Variants in ZMYND11 observed in about 807,000 individuals in gnomAD.
ZMYND11 encodes zinc finger MYND-type containing 11.
Under a neutral mutation model 84.9 loss-of-function variants are expected in ZMYND11, and 9 were observed. The ratio of observed to expected loss-of-function variants is 0.11; its 90% CI spans 0.06 to 0.18. The LOEUF (loss-of-function observed/expected upper bound fraction) is 0.18, where lower values mean the gene tolerates loss of function less well. Ranked by LOEUF, ZMYND11 falls within the 10% of genes least tolerant of loss-of-function variation. The pLI is 1.00. For synonymous variants in ZMYND11, 250 were observed against 244.1 expected (o/e 1.02, Z -0.23); for missense variants, 409 against 761.0 (o/e 0.54, Z 5.44).
At chr10:165,028 G>A (rs1554763309) in intron 1 of ZMYND11, among the ~76,000 whole-genome samples, 2 of 151,994 alleles carry the variant, frequency 1.3e-5, no homozygotes, top group East Asian at 1.9e-4. Flanking sequence ...CCTCTCTTCT[G>A]TCTCTTTCCG....
intron 2 of ZMYND11, among the ~76,000 whole-genome samples, chr10:184,166 G>A (rs1848456735): frequency 6.6e-6 from 1 of 151,876 alleles, no homozygotes; most frequent in Non-Finnish European, 1.5e-5. Context: ...TGGTTCTCAG[G>A]GACATCATCT....
intron 10 of ZMYND11, among the ~76,000 whole-genome samples, chr10:242,729 C>G (rs1389274286): frequency 2.0e-5 from 3 of 152,136 alleles, no homozygotes; most frequent in Non-Finnish European, 4.4e-5. Context: ...TGAGGTGTCT[C>G]CTGTCATGCC....
chr10:187,430 C>T (rs532126995), intron 2 of ZMYND11, among the ~76,000 whole-genome samples: 2 of 151,654 alleles, frequency 1.3e-5, no homozygotes, highest in Admixed American at 6.6e-5. Context: ...GTCAGGAGAT[C>T]GAGACCATCT....
At chr10:222,642 C>T (rs1482711743) in intron 4 of ZMYND11, among the ~76,000 whole-genome samples, 2 of 151,490 alleles carry the variant, frequency 1.3e-5, no homozygotes, top group African/African-American at 2.4e-5. Flanking sequence ...ATTTTAAAAG[C>T]AAATATACAT....
intron 2 of ZMYND11, among the ~76,000 whole-genome samples, chr10:186,408 C>T (rs573143750): frequency 4.0e-5 from 6 of 151,544 alleles, no homozygotes; most frequent in Admixed American, 1.3e-4. Flanking sequence ...TTAGGGAGAC[C>T]GAGGCAGGCA....
chr10:153,273 T>C (rs1588479003), intron 1 of ZMYND11, among the ~76,000 whole-genome samples: 1 of 152,228 alleles, frequency 6.6e-6, no homozygotes, highest in East Asian at 1.9e-4. Flanking sequence ...AAATTTAGCA[T>C]GGACTAGTGT....
At chr10:207,701 C>G (rs547231235) in intron 2 of ZMYND11, among the ~76,000 whole-genome samples, 2 of 152,108 alleles carry the variant, frequency 1.3e-5, no homozygotes, top group African/African-American at 4.8e-5. Context: ...GAATCAATAT[C>G]GTGAAAATGG....
At chr10:157,586 C>G (rs1056468483) in intron 1 of ZMYND11, among the ~76,000 whole-genome samples, 1 of 151,950 alleles carries the variant, frequency 6.6e-6, no homozygotes, top group Non-Finnish European at 1.5e-5. Flanking sequence ...GGGGAGGTCT[C>G]GAGGAAAGGA....
chr10:227,975 A>G (rs11251075), intron 4 of ZMYND11, among the ~76,000 whole-genome samples: 39,574 of 152,110 alleles, frequency 0.26, 6,230 homozygotes, highest in East Asian at 0.48. Context: ...TATTTTTACA[A>G]TTTTTAAGAC....
intron 12 of ZMYND11, among the ~76,000 whole-genome samples, 163 bp downstream of exon 12, chr10:247,629 T>C (rs1389524398): frequency 6.6e-6 from 1 of 152,218 alleles, no homozygotes; most frequent in Non-Finnish European, 1.5e-5. Flanking sequence ...AAACCAGTCT[T>C]CTGACTTCCC....
intron 1 of ZMYND11, among the ~76,000 whole-genome samples, chr10:145,230 A>G (rs1838514981): frequency 6.6e-6 from 1 of 150,802 alleles, no homozygotes; most frequent in Non-Finnish European, 1.5e-5. Context: ...ATGTGTGTAT[A>G]TATATGTGTG....
At chr10:197,370 G>A (rs1942077152) in intron 2 of ZMYND11, among the ~76,000 whole-genome samples, 1 of 152,060 alleles carries the variant, frequency 6.6e-6, no homozygotes, top group African/African-American at 2.4e-5. Context: ...AAATATTTTG[G>A]GGACAATTAG....
At chr10:225,343 G>GT (rs1448106637) in intron 4 of ZMYND11, among the ~76,000 whole-genome samples, 3 of 74,838 alleles carry the variant, frequency 4.0e-5, no homozygotes, top group Middle Eastern at 0.015. Flanking sequence ...TGTTGTCGTT[G>GT]TTTTTTTGTT....
At chr10:151,325 T>C (rs1180999622) in intron 1 of ZMYND11, among the ~76,000 whole-genome samples, 1 of 152,174 alleles carries the variant, frequency 6.6e-6, no homozygotes, top group Non-Finnish European at 1.5e-5. Flanking sequence ...GAAAAAAGAT[T>C]AGACGGATGG....
At chr10:146,442 A>C (rs782368501) in intron 1 of ZMYND11, among the ~76,000 whole-genome samples, 1 of 152,206 alleles carries the variant, frequency 6.6e-6, no homozygotes, top group Admixed American at 6.5e-5. Flanking sequence ...CATTGAATCT[A>C]TAGAGTGTTT....
chr10:130,422 T>C (rs1835289600), upstream of ZMYND11, among the ~76,000 whole-genome samples: 2 of 152,244 alleles, frequency 1.3e-5, no homozygotes, highest in Admixed American at 6.5e-5. Context: ...TCCTTTTGTG[T>C]CAGGCATTTC....
chr10:239,599 A>G (rs1950549951), intron 7 of ZMYND11, 74 bp downstream of exon 7: 2 of 1,042,270 alleles, frequency 1.9e-6, no homozygotes, highest in Middle Eastern at 2.1e-4. Flanking sequence ...ACTATCTTTT[A>G]TAAAACATTA....
At chr10:157,459 C>G (rs782441819) in intron 1 of ZMYND11, among the ~76,000 whole-genome samples, 69 of 152,250 alleles carry the variant, frequency 4.5e-4, no homozygotes, top group Non-Finnish European at 1.8e-4. Context: ...CTCAGCCTCC[C>G]AAAGTGCTGG....
chr10:132,806 G>T (rs1328324977), upstream of ZMYND11, among the ~76,000 whole-genome samples: 1 of 152,144 alleles, frequency 6.6e-6, no homozygotes, highest in Non-Finnish European at 1.5e-5. Flanking sequence ...GGGGCGGGAG[G>T]AGTATTCCCA....
Sources: gnomAD v4.1 joint callset for allele counts (sites outside exome capture counted in the v4.1 genomes callset) on GRCh38, gnomAD v4.1.1 for gene constraint, MANE v1.5 for transcripts, NCBI Gene and HGNC (gene_info 2026-07-23, HGNC 2026-07-21) for gene names.